The following STK3 variants were observed in gnomAD, a reference collection of about 807,000 sequenced individuals.
STK3 encodes the protein serine/threonine-protein kinase 3.
A neutral mutation model predicts 58.0 loss-of-function variants in STK3; 41 were observed. The observed-to-expected ratio is 0.71, with a 90% CI of 0.55 to 0.92. The LOEUF is 0.92. Among genes scored for constraint, STK3 ranks in the 40% least tolerant of loss-of-function variants. The probability of loss-of-function intolerance (pLI) is 0.00; values close to 1 mark genes in which losing one functional copy is unlikely to be tolerated. For synonymous variants in STK3, 170 were observed against 191.0 expected, an observed-to-expected ratio of 0.89 and a Z score of 0.91; for missense variants, 479 against 602.7, an observed-to-expected ratio of 0.79 and a Z score of 2.15.
chr8:98,659,757 A>G (rs772706785), intron 6 of STK3, among the ~76,000 whole-genome samples: 24 of 152,058 alleles, frequency 1.6e-4, no homozygotes, highest in Non-Finnish European at 2.9e-4. Context: ...AAAGTTTTCT[A>G]GATGTATAAT....
chr8:98,434,036 TC>T (rs2131079572), intron 3 of STK3: 1 of 152,324 alleles, frequency 6.6e-6, no homozygotes, highest in African/African-American at 2.4e-5. Flanking sequence ...GGCTAGGAGA[TC>T]CCCTACCTGT....
chr8:98,511,115 T>A (rs1824479267), intron 10 of STK3, among the ~76,000 whole-genome samples: 1 of 152,064 alleles, frequency 6.6e-6, no homozygotes, highest in Admixed American at 6.6e-5. Context: ...CTAACCTCAA[T>A]GTGTATACCT....
intron 6 of STK3, among the ~76,000 whole-genome samples, chr8:98,614,548 C>T (rs895943562): frequency 7.2e-5 from 11 of 152,168 alleles, no homozygotes; most frequent in African/African-American, 2.2e-4. Flanking sequence ...TCTGAGGTAC[C>T]GGGTTCATCT....
chr8:98,609,918 G>T (rs558032496), intron 6 of STK3, among the ~76,000 whole-genome samples: 3 of 149,280 alleles, frequency 2.0e-5, no homozygotes, highest in South Asian at 4.2e-4. Flanking sequence ...CGAGATCAGA[G>T]ATCGCACCAC....
intron 6 of STK3, 73 bp from the exon 7 acceptor site, chr8:98,596,242 TG>T (rs1467361268): frequency 2.7e-6 from 4 of 1,475,652 alleles, no homozygotes; most frequent in Non-Finnish European, 3.6e-6. Flanking sequence ...TCTCTTTATC[TG>T]TCTTTTTATC....
intron 6 of STK3, chr8:98,638,548 A>G (rs971100021): frequency 6.6e-6 from 1 of 152,262 alleles, no homozygotes; most frequent in Non-Finnish European, 1.5e-5. Flanking sequence ...TGACACAACC[A>G]ATCAAGGCAT....
At chr8:98,870,440 C>T (rs938973655) in intron 3 of STK3, among the ~76,000 whole-genome samples, 27 of 152,198 alleles carry the variant, frequency 1.8e-4, no homozygotes, top group African/African-American at 6.0e-4. Flanking sequence ...AATGGTTGAA[C>T]TAGTTTACAC....
chr8:98,534,141 T>C (rs924149323), intron 9 of STK3, among the ~76,000 whole-genome samples: 1 of 152,176 alleles, frequency 6.6e-6, no homozygotes, highest in African/African-American at 2.4e-5. Flanking sequence ...TTTCAGAATA[T>C]ACATGTATTA....
At chr8:98,664,069 G>T (rs1822161339) in intron 6 of STK3, among the ~76,000 whole-genome samples, 1 of 152,048 alleles carries the variant, frequency 6.6e-6, no homozygotes, top group Admixed American at 6.5e-5. Context: ...AAAGTTATCA[G>T]CAGTATACTC....
At position 98,501,218 on chromosome 8, in the gene STK3, G is replaced by C. The variant is rs536344940; in HGVS notation, c.1317+25524C>G. Among the ~76,000 whole-genome samples the C allele has an allele frequency of 3.3e-5, 5 of 152,086 alleles. No individual in the cohort carries two copies. The South Asian group carries it at 8.3e-4, about 25-fold the overall frequency. ...CTGCATAAATGTCTTCTTTTGAGAAGTGTCTGTTCATATCCTTTGCCCACT... is the reference window on the plus strand; with the variant it reads ...CTGCATAAATGTCTTCTTTTGAGAACTGTCTGTTCATATCCTTTGCCCACT... On this transcript the variant is annotated intron_variant, in intron 10 of 10. Transcript: ENST00000419617.
intron 6 of STK3, among the ~76,000 whole-genome samples, chr8:98,624,379 CAAT>C (rs1818555861): frequency 6.6e-6 from 1 of 151,968 alleles, no homozygotes; most frequent in Non-Finnish European, 1.5e-5. Flanking sequence ...TAGAGTGTGC[CAAT>C]AATAATATCT....
intron 4 of STK3, among the ~76,000 whole-genome samples, chr8:98,716,204 C>T (rs1451899151): frequency 6.6e-6 from 1 of 152,034 alleles, no homozygotes; most frequent in Non-Finnish European, 1.5e-5. Flanking sequence ...TTAATGGGTG[C>T]AGTACACTAA....
At chr8:98,933,718 C>T (rs1840087436) in intron 1 of STK3, among the ~76,000 whole-genome samples, 1 of 152,306 alleles carries the variant, frequency 6.6e-6, no homozygotes, top group South Asian at 2.1e-4. Flanking sequence ...AACCTCCATA[C>T]TCAAACTTGC....
At chr8:98,584,164 T>C (rs1490635362) in intron 7 of STK3, among the ~76,000 whole-genome samples, 3 of 151,964 alleles carry the variant, frequency 2.0e-5, no homozygotes, top group Non-Finnish European at 4.4e-5. Flanking sequence ...TAGTTACATA[T>C]CTATACATGT....
intron 10 of STK3, among the ~76,000 whole-genome samples, chr8:98,461,277 TTC>T (rs1195027037): frequency 6.6e-6 from 1 of 152,178 alleles, no homozygotes; most frequent in Non-Finnish European, 1.5e-5. Context: ...TTGCTTTAAA[TTC>T]TGTTTTATCT....
At chr8:98,880,106 A>G (rs1837739655), downstream of STK3, 1 of 152,056 alleles carries the variant, frequency 6.6e-6, no homozygotes, top group African/African-American at 2.4e-5. Flanking sequence ...AAAAATACAA[A>G]AGTTAGCCAG....
downstream of STK3, among the ~76,000 whole-genome samples, chr8:98,450,832 A>G (rs1331107252): frequency 6.6e-6 from 1 of 152,174 alleles, no homozygotes; most frequent in Non-Finnish European, 1.5e-5. Flanking sequence ...AACAGTCCTA[A>G]GTTGTAACTG....
chr8:98,660,993 C>A (rs997279981), intron 6 of STK3, among the ~76,000 whole-genome samples: 6 of 151,352 alleles, frequency 4.0e-5, no homozygotes, highest in African/African-American at 1.5e-4. Flanking sequence ...AATGAAAGGA[C>A]ACTAGATACT....
At chr8:98,911,736 A>G (rs774657582) in intron 1 of STK3, among the ~76,000 whole-genome samples, 4 of 152,148 alleles carry the variant, frequency 2.6e-5, no homozygotes, top group African/African-American at 4.8e-5. Flanking sequence ...TCGTGTTAGT[A>G]TATTTTGAAT....
Sources: gnomAD v4.1 joint callset for allele counts (sites outside exome capture counted in the v4.1 genomes callset) on GRCh38, gnomAD v4.1.1 for gene constraint, MANE v1.5 for transcripts, NCBI Gene and HGNC (gene_info 2026-07-23, HGNC 2026-07-21) for gene names.